PIK3C2G: variants seen among roughly 807,000 people sequenced by gnomAD.
The protein encoded by PIK3C2G is phosphatidylinositol-4-phosphate 3-kinase catalytic subunit type 2 gamma.
Under a neutral mutation model 181.1 loss-of-function variants are expected in PIK3C2G, and 168 were observed. The ratio of observed to expected loss-of-function variants is 0.93; its 90% CI spans 0.82 to 1.05. The LOEUF is 1.05. Ranked by LOEUF, PIK3C2G falls within the 50% of genes least tolerant of loss-of-function variation. The pLI is 0.00. For synonymous variants in PIK3C2G, 573 were observed against 592.2 expected (o/e 0.97, Z 0.47); for missense variants, 1,869 against 1,732.8 (o/e 1.08, Z -1.40).
intron 29 of PIK3C2G, among the ~76,000 whole-genome samples, chr12:18,578,763 A>G (rs1296976349): frequency 6.6e-6 from 1 of 152,100 alleles, no homozygotes; most frequent in East Asian, 1.9e-4. Flanking sequence ...TATGCCATAA[A>G]TATTTTTACT....
At chr12:18,408,931 C>T (rs35570239) in intron 16 of PIK3C2G, among the ~76,000 whole-genome samples, 22,135 of 152,080 alleles carry the variant, frequency 0.15, 2,067 homozygotes, top group South Asian at 0.37. Flanking sequence ...GAAATAGGAA[C>T]GCTTTTATAC....
At chr12:18,428,453 T>G (rs142924012) in intron 18 of PIK3C2G, among the ~76,000 whole-genome samples, 2 of 152,312 alleles carry the variant, frequency 1.3e-5, no homozygotes, top group East Asian at 1.9e-4. Flanking sequence ...TATCCTGTCT[T>G]GCTCACACAG....
chr12:18,723,933 A>C, the PIK3C2G span, among the ~76,000 whole-genome samples: 3 of 152,126 alleles, frequency 2.0e-5, no homozygotes, highest in African/African-American at 7.2e-5. Context: ...GACACATTCA[A>C]GATCAATGTA....
intron 11 of PIK3C2G, among the ~76,000 whole-genome samples, chr12:18,348,630 A>C (rs1319897522): frequency 2.0e-5 from 3 of 152,170 alleles, no homozygotes; most frequent in Admixed American, 6.6e-5. Flanking sequence ...GTCTTAAGGA[A>C]TCCATGGACC....
At chr12:18,388,402 G>T (rs1422443839) in intron 14 of PIK3C2G, among the ~76,000 whole-genome samples, 1 of 152,112 alleles carries the variant, frequency 6.6e-6, no homozygotes, top group East Asian at 1.9e-4. Flanking sequence ...AGCCTCCCAA[G>T]TAGCTGGAAT....
At chr12:18,299,517 T>C (rs554161234) in intron 5 of PIK3C2G, among the ~76,000 whole-genome samples, 5 of 152,064 alleles carry the variant, frequency 3.3e-5, no homozygotes, top group African/African-American at 1.2e-4. Context: ...TCTTTTCCAA[T>C]CTGGCTGCTT....
intron 1 of PIK3C2G, among the ~76,000 whole-genome samples, chr12:18,252,107 C>T (rs1948100759): frequency 6.6e-6 from 1 of 152,086 alleles, no homozygotes; most frequent in Non-Finnish European, 1.5e-5. Flanking sequence ...TATTCCGAGT[C>T]ATATCAATAT....
In PIK3C2G at chr12:18,359,227, C is replaced by A. The variant is rs549645182; in HGVS notation, c.1626-3537C>A. ...CCGGAGTGTGTTGTTTAATTTCCAC[C>A]TATTTGTGAATTTTCCAGATTTCTT... On this transcript the variant is annotated intron_variant, in intron 11 of 32. Transcript: ENST00000538779. Among the ~76,000 whole-genome samples the A allele has an allele frequency of 2.0e-5, 3 of 152,256 alleles. No individual in the cohort carries two copies. In the South Asian group the frequency reaches 6.2e-4, roughly 32 times the overall value.
upstream of PIK3C2G, among the ~76,000 whole-genome samples, chr12:18,243,552 A>G (rs754367614): frequency 4.6e-4 from 70 of 152,038 alleles, no homozygotes; most frequent in Non-Finnish European, 8.2e-4. Flanking sequence ...TTTAATCACA[A>G]TTATCAAGTG....
chr12:18,346,933 T>C lies in PIK3C2G; in HGVS notation c.1625+97T>C, dbSNP rs551548395. The C allele has an allele frequency of 2.7e-5, 19 of 708,770 alleles. No homozygotes were observed. In the Middle Eastern group the frequency reaches 1.0e-3, roughly 38 times the overall value. The allele number at this position is 708,770 out of a possible 1,614,324, so 43.9% of individuals were successfully genotyped here. A position where few individuals can be genotyped will look rare whatever the true frequency, so the allele number is the denominator to read the frequency against. On this transcript the variant is annotated intron_variant, in intron 11 of 32. Coordinates refer to ENST00000538779, the MANE Select transcript of PIK3C2G (RefSeq NM_001288772.2). Reference sequence around the variant, plus strand: ...GTTCTTATATGCAGGAGCAAAGATTTCATAAAATTTTGGAATTAATCAGCA... The same window carrying C: ...GTTCTTATATGCAGGAGCAAAGATTCCATAAAATTTTGGAATTAATCAGCA...
At chr12:18,536,342 G>T (rs1943852424) in intron 24 of PIK3C2G, among the ~76,000 whole-genome samples, 1 of 152,064 alleles carries the variant, frequency 6.6e-6, no homozygotes, top group Non-Finnish European at 1.5e-5. Context: ...AGGCTATGTT[G>T]TAAGCACTTG....
At chr12:18,691,189 GA>G in the PIK3C2G span, among the ~76,000 whole-genome samples, 2 of 152,140 alleles carry the variant, frequency 1.3e-5, no homozygotes, top group African/African-American at 4.8e-5. Context: ...ATGTGAAGGA[GA>G]TGTGAAAGAT....
At chr12:18,494,089 T>C (rs1377174963) in intron 20 of PIK3C2G, among the ~76,000 whole-genome samples, 1 of 152,218 alleles carries the variant, frequency 6.6e-6, no homozygotes, top group Non-Finnish European at 1.5e-5. Flanking sequence ...AGGACAGAGA[T>C]CCTATCTTCC....
chr12:18,715,476 A>T, the PIK3C2G span, among the ~76,000 whole-genome samples: 2 of 151,186 alleles, frequency 1.3e-5, no homozygotes, highest in Non-Finnish European at 2.9e-5. Flanking sequence ...ATCTCGGCTC[A>T]CTGCAAGCTC....
chr12:18,507,076 C>G (rs986558695), intron 24 of PIK3C2G, among the ~76,000 whole-genome samples: 4 of 151,694 alleles, frequency 2.6e-5, no homozygotes, highest in African/African-American at 9.7e-5. Context: ...GTCGCCCAGG[C>G]TAGAGTGCAG....
At chr12:18,509,790 T>C (rs1317786038) in intron 24 of PIK3C2G, among the ~76,000 whole-genome samples, 1 of 152,218 alleles carries the variant, frequency 6.6e-6, no homozygotes, top group African/African-American at 2.4e-5. Flanking sequence ...TCCCTTCTTA[T>C]TGGCTTTAGC....
chr12:18,591,348 G>T (rs573816908), intron 29 of PIK3C2G, among the ~76,000 whole-genome samples: 90 of 151,990 alleles, frequency 5.9e-4, no homozygotes, highest in African/African-American at 1.6e-3. Flanking sequence ...ACATCAGTTT[G>T]TTTCTGTTAA....
In PIK3C2G at chr12:18,412,924, C is replaced by T. The variant is rs1449495821; in HGVS notation, c.2316-8017C>T. Among the ~76,000 whole-genome samples the T allele has an allele frequency of 2.6e-5, 4 of 152,076 alleles. No individual in the cohort carries two copies. In the East Asian group the frequency reaches 7.7e-4, roughly 29 times the overall value. On this transcript the variant is annotated intron_variant, in intron 16 of 32. Transcript: ENST00000538779. ...CATTTCAACTTAATCCTTTGCTTGG[C>T]CCTCCATTTTGTGTTTTACCCTACA...
chr12:18,367,908 G>A (rs1280174990), intron 12 of PIK3C2G, among the ~76,000 whole-genome samples: 4 of 152,132 alleles, frequency 2.6e-5, no homozygotes, highest in African/African-American at 9.7e-5. Flanking sequence ...GTTACACATG[G>A]CTGGGGAGGC....
Sources: gnomAD v4.1 joint callset for allele counts (sites outside exome capture counted in the v4.1 genomes callset) on GRCh38, gnomAD v4.1.1 for gene constraint, MANE v1.5 for transcripts, NCBI Gene and HGNC (gene_info 2026-07-23, HGNC 2026-07-21) for gene names.